PRKAR1B: variants seen among roughly 807,000 people sequenced by gnomAD.
The protein encoded by PRKAR1B is protein kinase cAMP-dependent type I regulatory subunit beta, also known as cAMP-dependent protein kinase type I-beta regulatory subunit.
Under a neutral mutation model 46.5 loss-of-function variants are expected in PRKAR1B, and 22 were observed. That is an observed-to-expected ratio of 0.47 (90% CI 0.34 to 0.68). PRKAR1B has a LOEUF of 0.68. Ranked by LOEUF, PRKAR1B falls within the 30% of genes least tolerant of loss-of-function variation. The probability of loss-of-function intolerance (pLI) is 0.01; values close to 1 mark genes in which losing one functional copy is unlikely to be tolerated. For missense variants in PRKAR1B, 445 were observed against 535.6 expected (o/e 0.83, Z 1.67); for synonymous variants, 259 against 217.7 (o/e 1.19, Z -1.67).
At chr7:699,604 C>T (rs555319734) in intron 2 of PRKAR1B, among the ~76,000 whole-genome samples, 1 of 152,296 alleles carries the variant, frequency 6.6e-6, no homozygotes, top group East Asian at 1.9e-4. Flanking sequence ...CCTCTGAGCT[C>T]ACCCAAGACA....
chr7:639,372 G>A (rs1403038961), intron 4 of PRKAR1B, among the ~76,000 whole-genome samples: 1 of 152,142 alleles, frequency 6.6e-6, no homozygotes, highest in African/African-American at 2.4e-5. Context: ...TGGGACAACT[G>A]GATACCCACT....
chr7:706,470 C>A (rs1780333596), intron 2 of PRKAR1B, among the ~76,000 whole-genome samples: 1 of 129,500 alleles, frequency 7.7e-6, no homozygotes, highest in African/African-American at 2.9e-5. Flanking sequence ...ATCACCCAGG[C>A]TAGAGTGCAG....
chr7:555,322 T>C (rs945465650), intron 9 of PRKAR1B, among the ~76,000 whole-genome samples: 4 of 151,994 alleles, frequency 2.6e-5, no homozygotes, highest in Non-Finnish European at 5.9e-5. Flanking sequence ...ACACCACACT[T>C]TGTCACTAGT....
At chr7:689,085 T>C (rs1779265951) in intron 2 of PRKAR1B, among the ~76,000 whole-genome samples, 1 of 152,056 alleles carries the variant, frequency 6.6e-6, no homozygotes, top group South Asian at 2.1e-4. Context: ...AAAGACAAAA[T>C]TGAGAACACT....
At chr7:603,644 C>T (rs1239430728) in intron 6 of PRKAR1B, among the ~76,000 whole-genome samples, 1 of 149,962 alleles carries the variant, frequency 6.7e-6, no homozygotes, top group Non-Finnish European at 1.5e-5. Flanking sequence ...GACACCAGGA[C>T]CCAGAGTGGA....
intron 1 of PRKAR1B, chr7:726,941 C>CGCG: frequency 2.2e-6 from 3 of 1,339,078 alleles, no homozygotes; most frequent in Non-Finnish European, 1.9e-6. Flanking sequence ...GGCCCCTGGG[C>CGCG]GCGCCTACTG....
intron 4 of PRKAR1B, among the ~76,000 whole-genome samples, chr7:643,437 C>CT (rs1318523736): frequency 2.6e-5 from 4 of 151,366 alleles, no homozygotes; most frequent in Non-Finnish European, 4.4e-5. Flanking sequence ...AAAGTCATAG[C>CT]TTTGGACAGG....
intron 2 of PRKAR1B, 89 bp from the exon 3 acceptor site, chr7:680,815 G>T: frequency 6.8e-7 from 1 of 1,467,886 alleles, no homozygotes; most frequent in Non-Finnish European, 9.4e-7. Context: ...CCAGCACTGT[G>T]GGAGGACTAG....
intron 7 of PRKAR1B, among the ~76,000 whole-genome samples, chr7:590,526 G>A (rs756108414): frequency 6.6e-6 from 1 of 152,264 alleles, no homozygotes; most frequent in Non-Finnish European, 1.5e-5. Flanking sequence ...CATCCGGGGA[G>A]AAAACAGCCC....
At chr7:705,741 G>C (rs1780289178) in intron 2 of PRKAR1B, among the ~76,000 whole-genome samples, 1 of 152,130 alleles carries the variant, frequency 6.6e-6, no homozygotes, top group Non-Finnish European at 1.5e-5. Flanking sequence ...GAAAAACACA[G>C]ATGAGGCGGG....
chr7:607,736 A>G (rs1782185043), intron 4 of PRKAR1B: 2 of 331,220 alleles, frequency 6.0e-6, no homozygotes, highest in Non-Finnish European at 1.1e-5. Context: ...CCATACATGC[A>G]TTTTGAACTC....
intron 4 of PRKAR1B, among the ~76,000 whole-genome samples, chr7:633,073 TCTGCTCCCACCA>T (rs537661566): frequency 5.3e-4 from 81 of 152,356 alleles, no homozygotes; most frequent in African/African-American, 1.9e-3. Context: ...GAATTCATTC[TCTGCTCCCACCA>T]CTGCTCCGAC....
chr7:725,126 A>G (rs1781208238), intron 1 of PRKAR1B, among the ~76,000 whole-genome samples: 1 of 151,690 alleles, frequency 6.6e-6, no homozygotes, highest in Non-Finnish European at 1.5e-5. Context: ...AGGCAGGAGA[A>G]TGGCATGAAC....
intron 2 of PRKAR1B, among the ~76,000 whole-genome samples, chr7:707,799 G>T (rs776865191): frequency 2.0e-5 from 3 of 152,100 alleles, no homozygotes; most frequent in Non-Finnish European, 4.4e-5. Context: ...ACCACCCGGA[G>T]CTGGGGGAGA....
chr7:689,894 G>T (rs1438526758), intron 2 of PRKAR1B, among the ~76,000 whole-genome samples: 1 of 151,746 alleles, frequency 6.6e-6, no homozygotes, highest in East Asian at 2.0e-4. Flanking sequence ...TGTTAACCAG[G>T]ATGGTCTCAA....
chr7:653,216 C>T (rs747522228), intron 4 of PRKAR1B, among the ~76,000 whole-genome samples: 10 of 152,208 alleles, frequency 6.6e-5, no homozygotes, highest in Non-Finnish European at 1.3e-4. Flanking sequence ...AGGCCAGTGT[C>T]TGAGGCTCTT....
chr7:679,606 C>G (rs1778541070), intron 3 of PRKAR1B, among the ~76,000 whole-genome samples: 3 of 152,188 alleles, frequency 2.0e-5, no homozygotes, highest in African/African-American at 7.2e-5. Flanking sequence ...AGTCTCAGTT[C>G]TGCAAGGTAA....
At chr7:632,471 C>A (rs571286056) in intron 4 of PRKAR1B, among the ~76,000 whole-genome samples, 1 of 152,228 alleles carries the variant, frequency 6.6e-6, no homozygotes, top group African/African-American at 2.4e-5. Flanking sequence ...CAGCTCAGGA[C>A]GGCCACTGCG....
At chr7:637,212 C>T (rs977564261) in intron 4 of PRKAR1B, among the ~76,000 whole-genome samples, 18 of 152,028 alleles carry the variant, frequency 1.2e-4, no homozygotes, top group Middle Eastern at 6.8e-3. Context: ...GCTTGAGCTT[C>T]GGAGGCAGAG....
Sources: gnomAD v4.1 joint callset for allele counts (sites outside exome capture counted in the v4.1 genomes callset) on GRCh38, gnomAD v4.1.1 for gene constraint, MANE v1.5 for transcripts, NCBI Gene and HGNC (gene_info 2026-07-23, HGNC 2026-07-21) for gene names.